Variants in THAP5 observed in about 807,000 individuals in gnomAD.
The protein encoded by THAP5 is THAP domain-containing protein 5.
THAP5 carries 26 observed loss-of-function variants against 34.0 expected under a neutral mutation model. The observed-to-expected ratio is 0.77, with a 90% CI of 0.56 to 1.06. The LOEUF (loss-of-function observed/expected upper bound fraction) is 1.06. Among genes scored for constraint, THAP5 ranks in the 50% least tolerant of loss-of-function variants. The probability of loss-of-function intolerance (pLI) is 0.00; values close to 1 mark genes in which losing one functional copy is unlikely to be tolerated. For missense variants in THAP5, 394 were observed against 452.8 expected (o/e 0.87, Z 1.18); for synonymous variants, 125 against 153.0 (o/e 0.82, Z 1.35).
chr7:108,564,650 T>C lies in THAP5; in HGVS notation c.729A>G (p.Glu243=). The C allele has an allele frequency of 6.2e-7, 1 of 1,613,842 alleles. No homozygotes were observed. The highest frequency in any genetic ancestry group is 1.3e-5 in the African/African-American group (1 of 75,060). The part of the protein sequence containing the change: ...ANPNFTSNSM[E]IKSAQENPFL... ...ATGGATTTTCCTGTGCTGACTTTAT[T>C]TCCATGGAATTACTTGTAAAGTTTG... Residue 243 remains glutamate (E), a synonymous_variant, in exon 3 of 3, where the codon GAA becomes GAG. Transcript: ENST00000415914.
At chr7:108,569,384 G>A in intron 1 of THAP5, 106 bp downstream of exon 1, 1 of 1,529,752 alleles carries the variant, frequency 6.5e-7, no homozygotes, top group Non-Finnish European at 8.8e-7. Flanking sequence ...CACGTACGGA[G>A]AGCTGAGGAC....
chr7:108,561,012 G>GT (rs1475528726), downstream of THAP5, among the ~76,000 whole-genome samples: 1 of 152,132 alleles, frequency 6.6e-6, no homozygotes, highest in Non-Finnish European at 1.5e-5. Flanking sequence ...GAGATTACAG[G>GT]TGTGAGCCAC....
At chr7:108,569,382 G>A in intron 1 of THAP5, 108 bp downstream of exon 1, 1 of 1,526,624 alleles carries the variant, frequency 6.6e-7, no homozygotes, top group South Asian at 1.2e-5. Flanking sequence ...GCCACGTACG[G>A]AGAGCTGAGG....
At chr7:108,546,282 T>C in the THAP5 span, among the ~76,000 whole-genome samples, 1 of 152,170 alleles carries the variant, frequency 6.6e-6, no homozygotes, top group Non-Finnish European at 1.5e-5. Flanking sequence ...CTCCACCTCT[T>C]AGGAACTTGC....
At chr7:108,566,322 G>A (rs1790487167) in intron 1 of THAP5, among the ~76,000 whole-genome samples, 1 of 152,130 alleles carries the variant, frequency 6.6e-6, no homozygotes, top group Non-Finnish European at 1.5e-5. Flanking sequence ...AAATCTATTT[G>A]TATTTTCTAT....
chr7:108,547,714 G>C, the THAP5 span, among the ~76,000 whole-genome samples: 1 of 152,134 alleles, frequency 6.6e-6, no homozygotes, highest in African/African-American at 2.4e-5. Flanking sequence ...TTTAGTCCTA[G>C]TTCTATTCCT....
downstream of THAP5, among the ~76,000 whole-genome samples, chr7:108,552,350 A>G (rs1864359002): frequency 6.6e-6 from 1 of 152,120 alleles, no homozygotes. Context: ...TGGGTTCTGT[A>G]ATAATAACTG....
downstream of THAP5, among the ~76,000 whole-genome samples, chr7:108,557,288 C>A (rs1039799127): frequency 1.4e-4 from 22 of 152,232 alleles, no homozygotes; most frequent in Non-Finnish European, 2.4e-4. Flanking sequence ...TATTCCTCCC[C>A]AGAAAATGGG....
downstream of THAP5, among the ~76,000 whole-genome samples, chr7:108,560,078 T>A (rs1407131314): frequency 1.3e-5 from 2 of 152,244 alleles, no homozygotes; most frequent in Non-Finnish European, 2.9e-5. Flanking sequence ...AAACTATTTA[T>A]TAGTTCATAT....
chr7:108,569,407 C>A, intron 1 of THAP5, 83 bp downstream of exon 1: 1 of 1,544,566 alleles, frequency 6.5e-7, no homozygotes, highest in Non-Finnish European at 8.7e-7. Context: ...ACTGGCAGAG[C>A]GGACAGGAGA....
At chr7:108,555,653 G>A (rs934840176) in intron 1 of THAP5, among the ~76,000 whole-genome samples, 2 of 151,788 alleles carry the variant, frequency 1.3e-5, no homozygotes, top group Non-Finnish European at 2.9e-5. Flanking sequence ...GAGGCCTCAG[G>A]AAGCCTACAA....
At chr7:108,553,925 C>T (rs1599006828), downstream of THAP5, among the ~76,000 whole-genome samples, 1 of 152,184 alleles carries the variant, frequency 6.6e-6, no homozygotes, top group East Asian at 1.9e-4. Context: ...GCAGACTTTT[C>T]AACCATGACA....
the THAP5 span, among the ~76,000 whole-genome samples, chr7:108,542,884 G>A: frequency 6.6e-6 from 1 of 152,012 alleles, no homozygotes; most frequent in African/African-American, 2.4e-5. Context: ...GGTGGGAATG[G>A]CTAGAAGACT....
At chr7:108,556,350 C>G (rs186517625) in intron 1 of THAP5, among the ~76,000 whole-genome samples, 1 of 152,298 alleles carries the variant, frequency 6.6e-6, no homozygotes, top group East Asian at 1.9e-4. Flanking sequence ...AAAGTCTCAT[C>G]TGAGATAAGT....
the THAP5 span, among the ~76,000 whole-genome samples, chr7:108,542,536 C>A: frequency 1.9e-4 from 29 of 152,178 alleles, no homozygotes; most frequent in African/African-American, 6.3e-4. Context: ...GATCTCGGCT[C>A]ACTGTAACCT....
In THAP5 at chr7:108,564,093, A is replaced by T; in HGVS notation, c.*98T>A. 2.5e-5 allele frequency: 24 copies of T among 974,076 alleles called. No individual in the cohort carries two copies. In the South Asian group the frequency reaches 4.4e-4, roughly 18 times the overall value. The allele number at this position is 974,076 out of a possible 1,614,324, so 60.3% of individuals were successfully genotyped here. A position where few individuals can be genotyped will look rare whatever the true frequency, so the allele number is the denominator to read the frequency against. On this transcript the variant is annotated 3_prime_UTR_variant, in exon 3 of 3. Transcript: ENST00000415914. ...TTACAACACTCTCATAGGTTCATTA[A>T]GATGAGAACTTTATACAGGAAACAG...
chr7:108,562,790 CAT>C lies in THAP5; in HGVS notation c.*1399_*1400del, dbSNP rs775914011. The C allele has an allele frequency of 6.6e-6, 1 of 152,150 alleles. No homozygotes were observed. The highest frequency in any genetic ancestry group is 2.4e-5 in the African/African-American group (1 of 41,440). The allele number at this position is 152,150 out of a possible 1,614,324, so 9.4% of individuals were successfully genotyped here. On this transcript the variant is annotated 3_prime_UTR_variant, in exon 3 of 3. Transcript: ENST00000415914. ...TTTGCTTTTACAGTTTTCTTAAAAT[CAT>C]GTGAATATAAACAGTATTTTTATTT...
chr7:108,569,719 C>T, upstream of THAP5: 4 of 1,016,822 alleles, frequency 3.9e-6, no homozygotes, highest in African/African-American at 1.6e-5. Context: ...CGACTCACTT[C>T]CGCCTCCTCC....
In THAP5 at chr7:108,564,398, T is replaced by C. The variant is rs1436406566; in HGVS notation, c.981A>G (p.Gln327=). The C allele has an allele frequency of 6.2e-7, 1 of 1,613,890 alleles. No homozygotes were observed. Among genetic ancestry groups the C allele is most frequent in the Non-Finnish European group, 8.5e-7 (1 of 1,179,900 alleles). The part of the protein sequence containing the change: ...VLQIEHSYCR[Q]DINKEHLWQK... ...GCCAAAGATGTTCCTTATTTATATC[T>C]TGTCTGCAGTAAGAATGTTCGATTT... Residue 327 remains glutamine, a synonymous_variant, in exon 3 of 3, where the codon CAA becomes CAG. Transcript: ENST00000415914.
Sources: gnomAD v4.1 joint callset for allele counts (sites outside exome capture counted in the v4.1 genomes callset) on GRCh38, gnomAD v4.1.1 for gene constraint, MANE v1.5 for transcripts, NCBI Gene and HGNC (gene_info 2026-07-23, HGNC 2026-07-21) for gene names.